Variants in CFTR observed in about 807,000 individuals in gnomAD.
CFTR encodes CF transmembrane conductance regulator.
Under a neutral mutation model 171.6 loss-of-function variants are expected in CFTR, and 181 were observed. The ratio of observed to expected loss-of-function variants is 1.05; its 90% CI spans 0.93 to 1.19. The LOEUF (loss-of-function observed/expected upper bound fraction) is 1.19, where lower values mean the gene tolerates loss of function less well. Ranked by LOEUF, CFTR falls within the 50% of genes most tolerant of loss-of-function variation. The pLI, the probability that CFTR is intolerant of heterozygous loss-of-function variation, is 0.00. For synonymous variants in CFTR, 583 were observed against 608.0 expected, an observed-to-expected ratio of 0.96 and a Z score of 0.60; for missense variants, 1,968 against 1,734.7, an observed-to-expected ratio of 1.13 and a Z score of -2.39.
chr7:117,653,462 A>G (rs1040678157), intron 24 of CFTR, among the ~76,000 whole-genome samples: 3 of 152,164 alleles, frequency 2.0e-5, no homozygotes, highest in African/African-American at 7.2e-5. Context: ...CTGTGTCCTC[A>G]CATAATGGAA....
intron 24 of CFTR, among the ~76,000 whole-genome samples, chr7:117,657,573 C>A (rs1370801971): frequency 2.0e-5 from 3 of 152,158 alleles, no homozygotes; most frequent in African/African-American, 7.2e-5. Context: ...GCTGATAATA[C>A]AATTTGTCCA....
chr7:117,487,436 G>A (rs968490439), intron 1 of CFTR, among the ~76,000 whole-genome samples: 1 of 151,952 alleles, frequency 6.6e-6, no homozygotes, highest in African/African-American at 2.4e-5. Flanking sequence ...ACTCCTTTAG[G>A]CAGTGCTTTT....
At chr7:117,621,054 A>G (rs1404562826) in intron 21 of CFTR, among the ~76,000 whole-genome samples, 3 of 152,204 alleles carry the variant, frequency 2.0e-5, no homozygotes, top group Non-Finnish European at 4.4e-5. Context: ...GGGAGCTGAG[A>G]TAGCTCCACT....
intron 22 of CFTR, among the ~76,000 whole-genome samples, chr7:117,637,086 G>A (rs1479875351): frequency 1.3e-5 from 2 of 152,004 alleles, no homozygotes; most frequent in African/African-American, 2.4e-5. Context: ...CAAATTGCTG[G>A]GATTATAGGT....
At chr7:117,571,379 T>G (rs1443526839) in intron 11 of CFTR, among the ~76,000 whole-genome samples, 1 of 152,172 alleles carries the variant, frequency 6.6e-6, no homozygotes, top group Non-Finnish European at 1.5e-5. Context: ...GTTGGATTTA[T>G]TCTAGCATTT....
chr7:117,596,387 C>A (rs563183309), intron 15 of CFTR, among the ~76,000 whole-genome samples: 1 of 152,252 alleles, frequency 6.6e-6, no homozygotes. Context: ...AGCCTCCCCC[C>A]AACCTGCCGC....
At chr7:117,595,496 A>G (rs6979652) in intron 15 of CFTR, among the ~76,000 whole-genome samples, 65,561 of 150,304 alleles carry the variant, frequency 0.44, 16,100 homozygotes, top group African/African-American at 0.67. Flanking sequence ...TATTACATAT[A>G]AAATATATTT....
chr7:117,637,872 G>A (rs35244428), intron 22 of CFTR, among the ~76,000 whole-genome samples: 24,547 of 151,382 alleles, frequency 0.16, 2,303 homozygotes, highest in Non-Finnish European at 0.2. Context: ...GCAAGACTCC[G>A]TCTCAAAAAA....
chr7:117,607,136 C>T (rs976455500), intron 18 of CFTR, among the ~76,000 whole-genome samples: 1 of 152,126 alleles, frequency 6.6e-6, no homozygotes, highest in Non-Finnish European at 1.5e-5. Flanking sequence ...AAGATGGATT[C>T]CCTGGGTGGG....
chr7:117,571,052 C>T (rs1363460422), intron 11 of CFTR, among the ~76,000 whole-genome samples: 2 of 152,082 alleles, frequency 1.3e-5, no homozygotes, highest in African/African-American at 2.4e-5. Context: ...TTTTCCTCTC[C>T]CCTTGGGAAA....
At chr7:117,485,035 A>T (rs1359964353) in intron 1 of CFTR, among the ~76,000 whole-genome samples, 2 of 152,124 alleles carry the variant, frequency 1.3e-5, no homozygotes, top group African/African-American at 4.8e-5. Context: ...CCAGTTTTCC[A>T]TTTATGTGTT....
intron 1 of CFTR, among the ~76,000 whole-genome samples, chr7:117,502,175 G>A (rs1476005309): frequency 6.6e-6 from 1 of 152,180 alleles, no homozygotes; most frequent in Non-Finnish European, 1.5e-5. Context: ...TCTCCCAGCT[G>A]TCTGTCTAGC....
At chr7:117,546,546 C>T (rs1339781747) in intron 9 of CFTR, among the ~76,000 whole-genome samples, 1 of 152,046 alleles carries the variant, frequency 6.6e-6, no homozygotes, top group Non-Finnish European at 1.5e-5. Context: ...CTCAGTGGTA[C>T]AACTACAGGT....
At chr7:117,486,276 A>C (rs1056252016) in intron 1 of CFTR, among the ~76,000 whole-genome samples, 18 of 152,178 alleles carry the variant, frequency 1.2e-4, no homozygotes, top group African/African-American at 4.1e-4. Context: ...CTTCCTTTGT[A>C]GGTCATGATT....
At chr7:117,496,664 A>T (rs112937139) in intron 1 of CFTR, among the ~76,000 whole-genome samples, 3,269 of 152,218 alleles carry the variant, frequency 0.021, 136 homozygotes, top group African/African-American at 0.075. Flanking sequence ...GCAGACATCC[A>T]TTTTCCTTTC....
chr7:117,634,822 T>C (rs1710020532), intron 22 of CFTR, among the ~76,000 whole-genome samples: 1 of 152,168 alleles, frequency 6.6e-6, no homozygotes, highest in African/African-American at 2.4e-5. Context: ...ATATATTGTA[T>C]AATTTTAATT....
At chr7:117,554,292 G>T (rs1435206524) in intron 10 of CFTR, among the ~76,000 whole-genome samples, 1 of 152,122 alleles carries the variant, frequency 6.6e-6, no homozygotes, top group East Asian at 1.9e-4. Flanking sequence ...TTCAGGACAT[G>T]CTTTGAAGGA....
chr7:117,513,246 G>A lies in CFTR; in HGVS notation c.273+4104G>A, dbSNP rs1798549530. Among the ~76,000 whole-genome samples, 3 of 152,160 alleles carry A rather than the reference G, an allele frequency of 2.0e-5. No homozygotes were observed. The South Asian group carries it at 6.2e-4, about 32-fold the overall frequency. ...ATCTTGAGGTTACAGAAAGAATGGG[G>A]GTTTGGATCTTTGTAAAACAGGTTT... On this transcript the variant is annotated intron_variant, in intron 3 of 26. Transcript: ENST00000003084.
At chr7:117,523,005 G>C (rs1281772737) in intron 3 of CFTR, among the ~76,000 whole-genome samples, 1 of 152,148 alleles carries the variant, frequency 6.6e-6, no homozygotes, top group Admixed American at 6.5e-5. Flanking sequence ...TTGGTTTGCT[G>C]TTTGCAGATG....
Sources: gnomAD v4.1 joint callset for allele counts (sites outside exome capture counted in the v4.1 genomes callset) on GRCh38, gnomAD v4.1.1 for gene constraint, MANE v1.5 for transcripts, NCBI Gene and HGNC (gene_info 2026-07-23, HGNC 2026-07-21) for gene names.